Variants in KDM5D observed in about 807,000 individuals in gnomAD.
KDM5D encodes lysine-specific demethylase 5D.
KDM5D carries 25 observed loss-of-function variants against 31.9 expected under a neutral mutation model. That is an observed-to-expected ratio of 0.78 (90% CI 0.57 to 1.09). The LOEUF is 1.09. KDM5D is among the 50% of genes least tolerant of loss of function. The probability of loss-of-function intolerance (pLI) is 0.00; values close to 1 mark genes in which losing one functional copy is unlikely to be tolerated. For synonymous variants in KDM5D, 146 were observed against 122.3 expected, an observed-to-expected ratio of 1.19 and a Z score of -1.28; for missense variants, 366 against 341.6, an observed-to-expected ratio of 1.07 and a Z score of -0.56.
chrY:19,716,116 A>G, intron 15 of KDM5D, 112 bp from the exon 16 acceptor site: 4 of 248,001 alleles, frequency 1.6e-5, no homozygotes, highest in Non-Finnish European at 2.6e-5. Context: ...GGAAAGCTGT[A>G]GAGAAATTGG....
chrY:19,714,450 C>T, intron 18 of KDM5D, among the ~76,000 whole-genome samples: 2 of 33,954 alleles, frequency 5.9e-5, no homozygotes, highest in Non-Finnish European at 1.5e-4. Flanking sequence ...TTCACATTCT[C>T]TTACCAGTCG....
rs2045237845 is a variant in KDM5D, at chrY:19,706,640, T to C, written c.4070A>G (p.Asp1357Gly). 2.5e-6 allele frequency: 1 copy of C among 396,185 alleles called. No individual in the cohort carries two copies. ...PENMAPGKGSDLELLSSLLPQ... is the reference protein window; with the variant it reads ...PENMAPGKGSGLELLSSLLPQ... ...CAACAGTGAGGACAGTAGCTCCAGG[T>C]CTGGGCGGAAGGTGGTGCGGTGAAA... Residue 1357 changes from aspartate to glycine, a missense_variant and splice_region_variant, in exon 26 of 27, where the codon GAC (aspartate) becomes GGC (glycine). Coordinates refer to ENST00000317961, the MANE Select transcript of KDM5D (RefSeq NM_004653.5).
At chrY:19,733,108 GA>G (rs757116023) in intron 8 of KDM5D, among the ~76,000 whole-genome samples, 12 of 33,640 alleles carry the variant, frequency 3.6e-4, no homozygotes, top group Admixed American at 3.3e-3. Flanking sequence ...TTCCTCTGTT[GA>G]AAAGTTTGAT....
intron 11 of KDM5D, among the ~76,000 whole-genome samples, chrY:19,727,221 G>A: frequency 6.0e-5 from 2 of 33,237 alleles, no homozygotes; most frequent in Non-Finnish European, 1.5e-4. Context: ...AACTTACAAC[G>A]TGACAGTACT....
rs2045218468 is a variant in KDM5D, at chrY:19,704,976, C to T, written c.*1019G>A. ...AGCTACTACATAATGAAAAAGAGAG[C>T]TGGTGACTTAACTTGCTAAAACAAT... On this transcript the variant is annotated 3_prime_UTR_variant, in exon 27 of 27. Coordinates refer to ENST00000317961, the MANE Select transcript of KDM5D (RefSeq NM_004653.5). The T allele has an allele frequency of 3.0e-5, 1 of 33,650 alleles. No homozygotes were observed. The highest frequency in any genetic ancestry group is 1.2e-4 in the African/African-American group (1 of 8,619). 8.4% of individuals were successfully genotyped at this position (33,650 alleles called of 400,897 possible).
intron 18 of KDM5D, among the ~76,000 whole-genome samples, chrY:19,714,964 G>A (rs2045323835): frequency 3.0e-5 from 1 of 33,765 alleles, no homozygotes; most frequent in South Asian, 6.6e-4. Flanking sequence ...TCTGCATAAC[G>A]CTATGAGATT....
chrY:19,718,370 T>C, intron 13 of KDM5D, among the ~76,000 whole-genome samples: 3 of 34,563 alleles, frequency 8.7e-5, no homozygotes, highest in Non-Finnish European at 2.2e-4. Context: ...CAATGCAATA[T>C]TATTCAGCCA....
Position 19,715,651 on chromosome Y carries a change from G to C in KDM5D, c.2302C>G (p.Arg768Gly). The change falls in exon 17 of 27, where the codon CGA becomes GGA. Residue 768 changes from arginine (R) to glycine (G), a missense_variant. Coordinates refer to ENST00000317961, the MANE Select transcript of KDM5D (RefSeq NM_004653.5). ...CCATCCTCCACCTCCAAGGCCACTC[G>C]CACTTTGTTGGCCCAGGTGTCAAAA... ...ESFDTWANKVRVALEVEDGRK... is the reference protein window; with the variant it reads ...ESFDTWANKVGVALEVEDGRK... 1 of 398,673 alleles carries C rather than the reference G, an allele frequency of 2.5e-6. No individual in the cohort carries two copies. The highest frequency in any genetic ancestry group is 7.4e-5 in the Admixed American group (1 of 13,495).
chrY:19,744,486 A>T lies in KDM5D; in HGVS notation c.49T>A (p.Phe17Ile), dbSNP rs774041797. 1 of 396,622 alleles carries T rather than the reference A, an allele frequency of 2.5e-6. No individual in the cohort carries two copies. The highest frequency in any genetic ancestry group is 3.5e-6 in the Non-Finnish European group (1 of 282,113). The part of the protein sequence containing the change: ...EFLPPPECPV[F>I]EPSWAEFQDP... ...TGGAATTCAGCCCAGCTAGGCTCAA[A>T]AACCGGGCACTCCGGTGGCGGCAGG... The change falls in exon 2 of 27, where the codon TTT becomes ATT. Residue 17 changes from phenylalanine to isoleucine, a missense_variant. Phe to Ile is a conservative substitution (Grantham distance 21). Transcript: ENST00000317961.
intron 2 of KDM5D, among the ~76,000 whole-genome samples, chrY:19,744,001 A>G (rs2045578808): frequency 5.9e-5 from 2 of 34,024 alleles, no homozygotes; most frequent in Admixed American, 2.7e-4. Context: ...AAAGAAAGAA[A>G]ACACCAGTCC....
intron 18 of KDM5D, among the ~76,000 whole-genome samples, chrY:19,711,605 C>T: frequency 9.9e-5 from 3 of 30,431 alleles, no homozygotes; most frequent in Admixed American, 3.0e-4. Flanking sequence ...GGCCTGAACC[C>T]GGGAGGTGGA....
chrY:19,717,279 G>A, intron 13 of KDM5D, among the ~76,000 whole-genome samples: 1 of 33,096 alleles, frequency 3.0e-5, no homozygotes, highest in Non-Finnish European at 7.4e-5. Context: ...GCTGATTGGT[G>A]CCAGGAACCA....
intron 18 of KDM5D, among the ~76,000 whole-genome samples, chrY:19,712,709 A>C: frequency 2.9e-5 from 1 of 34,549 alleles, no homozygotes; most frequent in Non-Finnish European, 7.2e-5. Flanking sequence ...ATGGGGGAAG[A>C]TGGTAACATT....
chrY:19,740,266 G>A, intron 5 of KDM5D, among the ~76,000 whole-genome samples: 2 of 33,362 alleles, frequency 6.0e-5, no homozygotes, highest in East Asian at 7.9e-4. Flanking sequence ...AAAGTTTTAC[G>A]GATAATAAAA....
At position 19,744,446 on chromosome Y, in the gene KDM5D, T is replaced by C; in HGVS notation, c.89A>G (p.Tyr30Cys). ...SWAEFQDPLG[Y>C]IAKIRPIAEK... ...TGCTATGGGCCTTATTTTCGCAATG[T>C]AGCCAAGCGGGTCTTGGAATTCAGC... The change falls in exon 2 of 27, where the codon TAC becomes TGC. Residue 30 changes from tyrosine (Y) to cysteine (C), a missense_variant. Tyr to Cys is a radical substitution (Grantham distance 194). Transcript: ENST00000317961. 2.5e-6 allele frequency: 1 copy of C among 394,664 alleles called. No individual in the cohort carries two copies. The highest frequency in any genetic ancestry group is 3.6e-6 in the Non-Finnish European group (1 of 280,987).
At chrY:19,724,411 A>G (rs977421792) in intron 11 of KDM5D, among the ~76,000 whole-genome samples, 20 of 33,643 alleles carry the variant, frequency 5.9e-4, no homozygotes, top group African/African-American at 2.3e-3. Flanking sequence ...CTGGTTCAAC[A>G]TACACAAATC....
intron 13 of KDM5D, among the ~76,000 whole-genome samples, chrY:19,716,998 T>C (rs1239058625): frequency 3.0e-5 from 1 of 33,557 alleles, no homozygotes. Context: ...TTTAAAGTCA[T>C]AGAATTAAGT....
chrY:19,742,325 T>A (rs2045558648), intron 3 of KDM5D, among the ~76,000 whole-genome samples: 2 of 33,991 alleles, frequency 5.9e-5, no homozygotes, highest in African/African-American at 2.3e-4. Flanking sequence ...ATAGTCAAAA[T>A]CCTAAGAGTA....
intron 6 of KDM5D, among the ~76,000 whole-genome samples, chrY:19,739,207 C>T: frequency 6.1e-5 from 2 of 32,895 alleles, no homozygotes; most frequent in African/African-American, 2.4e-4. Flanking sequence ...GATGGCTAAC[C>T]TCTGTAACCC....
Sources: gnomAD v4.1 joint callset for allele counts (sites outside exome capture counted in the v4.1 genomes callset) on GRCh38, gnomAD v4.1.1 for gene constraint, MANE v1.5 for transcripts, NCBI Gene and HGNC (gene_info 2026-07-23, HGNC 2026-07-21) for gene names.